KBTBD12: variants seen among roughly 807,000 people sequenced by gnomAD.
KBTBD12 encodes kelch repeat and BTB domain containing 12, also known as kelch repeat and BTB domain-containing protein 12.
In KBTBD12, 53 loss-of-function variants were observed where a neutral mutation model predicts 58.7. The ratio of observed to expected loss-of-function variants is 0.90; its 90% CI spans 0.72 to 1.14. The LOEUF (loss-of-function observed/expected upper bound fraction) is 1.14, where lower values mean the gene tolerates loss of function less well. KBTBD12 is among the 50% of genes most tolerant of loss of function. The probability of loss-of-function intolerance (pLI) is 0.00; values close to 1 mark genes in which losing one functional copy is unlikely to be tolerated. For missense variants in KBTBD12, 704 were observed against 751.3 expected (o/e 0.94, Z 0.74); for synonymous variants, 236 against 259.8 (o/e 0.91, Z 0.88).
intron 4 of KBTBD12, among the ~76,000 whole-genome samples, chr3:127,935,647 G>C (rs1265865253): frequency 6.6e-6 from 1 of 152,012 alleles, no homozygotes; most frequent in African/African-American, 2.4e-5. Flanking sequence ...AAATACAAGA[G>C]AGGGCAGCAA....
intron 2 of KBTBD12, among the ~76,000 whole-genome samples, chr3:127,925,193 T>G (rs947159409): frequency 6.6e-6 from 1 of 152,200 alleles, no homozygotes; most frequent in Non-Finnish European, 1.5e-5. Context: ...GGAGAAAGAA[T>G]GCAGAGCCCT....
chr3:127,965,649 T>C (rs1940548552), intron 5 of KBTBD12, among the ~76,000 whole-genome samples: 1 of 152,224 alleles, frequency 6.6e-6, no homozygotes, highest in Non-Finnish European at 1.5e-5. Flanking sequence ...TGGGATACAA[T>C]CGAGATTTTC....
chr3:127,926,843 A>G (rs1398438777), intron 2 of KBTBD12, among the ~76,000 whole-genome samples: 1 of 152,038 alleles, frequency 6.6e-6, no homozygotes, highest in Non-Finnish European at 1.5e-5. Flanking sequence ...AATTCCAGAT[A>G]TACTTTCTGG....
intron 4 of KBTBD12, among the ~76,000 whole-genome samples, chr3:127,934,674 C>T (rs1038141467): frequency 5.3e-5 from 8 of 151,942 alleles, no homozygotes; most frequent in South Asian, 2.1e-4. Flanking sequence ...GGTAAAACGC[C>T]GTATCATGTA....
Position 127,986,564 on chromosome 3 carries a change from C to G in KBTBD12, c.*2286C>G, listed in dbSNP as rs1315079624. On this transcript the variant is annotated 3_prime_UTR_variant, in exon 6 of 6. Transcript: ENST00000405109. ...AGTGCAGTGGCACGATCTCAGCCCA[C>G]TGCAACCTCCGCCTCCCAGGTTCAA... is the stretch of plus-strand genomic sequence containing the variant. 2 of 151,892 alleles carry G rather than the reference C, an allele frequency of 1.3e-5. No individual in the cohort carries two copies. The highest frequency in any genetic ancestry group is 2.9e-5 in the Non-Finnish European group (2 of 68,120). The allele number at this position is 151,892 out of a possible 1,614,324, so 9.4% of individuals were successfully genotyped here. A position where few individuals can be genotyped will look rare whatever the true frequency, so the allele number is the denominator to read the frequency against.
At chr3:127,973,424 T>C (rs536737094) in intron 5 of KBTBD12, among the ~76,000 whole-genome samples, 1 of 152,346 alleles carries the variant, frequency 6.6e-6, no homozygotes, top group African/African-American at 2.4e-5. Context: ...TGGATGATGG[T>C]TTGAAAATAA....
chr3:127,924,937 A>G (rs548439629), intron 2 of KBTBD12, among the ~76,000 whole-genome samples: 1 of 152,362 alleles, frequency 6.6e-6, no homozygotes, highest in South Asian at 2.1e-4. Flanking sequence ...AAATATGCAC[A>G]TGGAATAAAT....
At chr3:127,964,640 C>CAAAAA (rs34230294) in intron 5 of KBTBD12, among the ~76,000 whole-genome samples, 3 of 111,102 alleles carry the variant, frequency 2.7e-5, no homozygotes, top group Middle Eastern at 4.8e-3. Flanking sequence ...GACTCCATCT[C>CAAAAA]AAAAAAAAAA....
chr3:127,972,857 G>A (rs1341114583), intron 5 of KBTBD12, among the ~76,000 whole-genome samples: 1 of 152,200 alleles, frequency 6.6e-6, no homozygotes, highest in Non-Finnish European at 1.5e-5. Context: ...GGTAATAAAT[G>A]TAGAAGTCAT....
At chr3:127,931,551 A>T (rs1479436782) in intron 4 of KBTBD12, among the ~76,000 whole-genome samples, 1 of 152,178 alleles carries the variant, frequency 6.6e-6, no homozygotes, top group Non-Finnish European at 1.5e-5. Flanking sequence ...AAGTGGGATA[A>T]AAGTGATATA....
intron 4 of KBTBD12, 96 bp downstream of exon 4, chr3:127,930,379 C>G: frequency 9.4e-7 from 1 of 1,067,980 alleles, no homozygotes; most frequent in South Asian, 1.5e-5. Context: ...CACTTGTATT[C>G]CAGTTCAAAT....
chr3:127,933,258 T>C (rs1284792305), intron 4 of KBTBD12, among the ~76,000 whole-genome samples: 1 of 152,180 alleles, frequency 6.6e-6, no homozygotes, highest in Non-Finnish European at 1.5e-5. Context: ...TGAGGTGCTG[T>C]TCCTCACCCC....
chr3:127,961,100 A>C (rs1222515732), intron 4 of KBTBD12, among the ~76,000 whole-genome samples: 3 of 152,144 alleles, frequency 2.0e-5, no homozygotes, highest in African/African-American at 7.2e-5. Flanking sequence ...AAACCAGCCT[A>C]GTAACATTTC....
intron 2 of KBTBD12, among the ~76,000 whole-genome samples, chr3:127,927,436 T>C (rs1451529733): frequency 6.6e-6 from 1 of 152,188 alleles, no homozygotes; most frequent in Non-Finnish European, 1.5e-5. Context: ...TAAAAATGAT[T>C]TGCTTAAAAA....
At chr3:127,949,023 G>A (rs2107603036) in intron 4 of KBTBD12, among the ~76,000 whole-genome samples, 2 of 152,224 alleles carry the variant, frequency 1.3e-5, no homozygotes, top group South Asian at 4.1e-4. Context: ...TTCCTTGCCT[G>A]CAACCATAAT....
intron 4 of KBTBD12, among the ~76,000 whole-genome samples, chr3:127,947,986 A>G (rs1346179774): frequency 6.6e-6 from 1 of 152,262 alleles, no homozygotes; most frequent in Non-Finnish European, 1.5e-5. Context: ...TCACTGCATT[A>G]TGATCACTGG....
intron 5 of KBTBD12, among the ~76,000 whole-genome samples, chr3:127,978,246 C>A (rs1940818279): frequency 6.6e-6 from 1 of 152,134 alleles, no homozygotes; most frequent in Admixed American, 6.5e-5. Context: ...AAACTAGGGC[C>A]ATTCCCTGAT....
intron 4 of KBTBD12, among the ~76,000 whole-genome samples, chr3:127,931,838 G>A (rs1939710098): frequency 6.6e-6 from 1 of 152,018 alleles, no homozygotes; most frequent in South Asian, 2.1e-4. Context: ...AATGGAATAA[G>A]CAGTGGTTTG....
intron 5 of KBTBD12, among the ~76,000 whole-genome samples, chr3:127,979,382 C>T (rs1490923294): frequency 6.6e-6 from 1 of 152,140 alleles, no homozygotes; most frequent in Non-Finnish European, 1.5e-5. Flanking sequence ...AAAGCAGAAG[C>T]TATTGGAAAT....
Sources: gnomAD v4.1 joint callset for allele counts (sites outside exome capture counted in the v4.1 genomes callset) on GRCh38, gnomAD v4.1.1 for gene constraint, MANE v1.5 for transcripts, NCBI Gene and HGNC (gene_info 2026-07-23, HGNC 2026-07-21) for gene names.